Variants in TBX3 observed in about 807,000 individuals in gnomAD.
TBX3 encodes T-box transcription factor 3.
In TBX3, 11 loss-of-function variants were observed where a neutral mutation model predicts 47.8. The ratio of observed to expected loss-of-function variants is 0.23; its 90% CI spans 0.14 to 0.38. The LOEUF (loss-of-function observed/expected upper bound fraction) is 0.38. Among genes scored for constraint, TBX3 ranks in the 10% least tolerant of loss-of-function variants. The pLI is 1.00. For synonymous variants in TBX3, 500 were observed against 449.3 expected (o/e 1.11, Z -1.43); for missense variants, 927 against 1,022.8 (o/e 0.91, Z 1.28).
intron 1 of TBX3, 148 bp downstream of exon 1, chr12:114,682,664 G>T (rs1868988011): frequency 8.1e-7 from 1 of 1,231,806 alleles, no homozygotes; most frequent in Admixed American, 2.1e-5. Flanking sequence ...CACCGGGGCA[G>T]GGCCTGGAAG....
intron 1 of TBX3, among the ~76,000 whole-genome samples, chr12:114,682,246 T>G (rs1439473931): frequency 1.3e-5 from 2 of 152,226 alleles, no homozygotes; most frequent in African/African-American, 4.8e-5. Context: ...GCCCTTGGGT[T>G]ACAGACACGT....
intron 2 of TBX3, chr12:114,679,860 C>A: frequency 6.4e-7 from 1 of 1,557,330 alleles, no homozygotes; most frequent in Non-Finnish European, 8.8e-7. Context: ...TGCCAAAGGG[C>A]CCCCCCCACC....
In TBX3 at chr12:114,671,666, A is replaced by G. The variant is rs552766584; in HGVS notation, c.*175T>C. 2.1e-4 allele frequency: 166 copies of G among 781,624 alleles called. 1 individual carries two copies. The African/African-American group carries it at 2.8e-3, about 13-fold the overall frequency. 48.4% of individuals were successfully genotyped at this position (781,624 alleles called of 1,614,324 possible). ...AGATCCCGGACATATAAACCACGCCAAGAAGACAGGGGCTGTCTCTAGCAC... is the reference window on the plus strand; with the variant it reads ...AGATCCCGGACATATAAACCACGCCGAGAAGACAGGGGCTGTCTCTAGCAC... On this transcript the variant is annotated 3_prime_UTR_variant, in exon 7 of 7. Transcript: ENST00000349155.
chr12:114,681,924 A>G (rs538341850), intron 1 of TBX3, among the ~76,000 whole-genome samples: 1 of 152,360 alleles, frequency 6.6e-6, no homozygotes, highest in East Asian at 1.9e-4. Context: ...GGAGGATTTT[A>G]TGCCAAACTT....
intron 2 of TBX3, 154 bp from the exon 3 acceptor site, chr12:114,679,805 G>A (rs750050912): frequency 1.2e-5 from 19 of 1,530,214 alleles, no homozygotes; most frequent in Middle Eastern, 1.7e-4. Context: ...GGTACGTTTC[G>A]CTCCACAGAT....
In TBX3 at chr12:114,684,058, A is replaced by T. The variant is rs80299182; in HGVS notation, c.-858T>A. On this transcript the variant is annotated 5_prime_UTR_variant, in exon 1 of 7. Transcript: ENST00000349155. ...GAGGGGGAAAAAATGGAACAGAGGGAAAGAGAGGGAGGGGAGAGAGAGAGA... is the reference window on the plus strand; with the variant it reads ...GAGGGGGAAAAAATGGAACAGAGGGTAAGAGAGGGAGGGGAGAGAGAGAGA... The T allele has an allele frequency of 9.4e-4, 194 of 206,916 alleles. No homozygotes were observed. The highest frequency in any genetic ancestry group is 4.9e-3 in the African/African-American group (189 of 38,528). 12.8% of individuals were successfully genotyped at this position (206,916 alleles called of 1,614,324 possible). A position where few individuals can be genotyped will look rare whatever the true frequency, so the allele number is the denominator to read the frequency against.
rs1223634909 is a variant in TBX3 at position 114,676,453 on chromosome 12, T to C, written c.899A>G (p.Gln300Arg). The change falls in exon 5 of 7, where the codon CAG becomes CGG. Residue 300 changes from glutamine (Q) to arginine (R), a missense_variant. Physicochemically the swap from Gln to Arg is conservative, Grantham distance 43. Coordinates refer to ENST00000349155, the MANE Select transcript of TBX3 (RefSeq NM_005996.4). ...TCTTTCATCAAACACCCTCATGGACTGCAGGGTGAGCTGTTTTCTGTGGCA... is the reference window on the plus strand; with the variant it reads ...TCTTTCATCAAACACCCTCATGGACCGCAGGGTGAGCTGTTTTCTGTGGCA... ...RREKRKQLTLQSMRVFDERHK... is the reference protein window; with the variant it reads ...RREKRKQLTLRSMRVFDERHK... 1 of 1,614,248 alleles carries C rather than the reference T, an allele frequency of 6.2e-7. No homozygotes were observed. The highest frequency in any genetic ancestry group is 2.2e-5 in the East Asian group (1 of 44,882).
intron 6 of TBX3, 107 bp downstream of exon 6, chr12:114,674,056 TTA>T: frequency 7.1e-7 from 1 of 1,398,984 alleles, no homozygotes; most frequent in Non-Finnish European, 9.7e-7. Flanking sequence ...TCAGTAAAAA[TTA>T]TTACAGCTAC....
rs1275992297 is a variant in TBX3 at position 114,674,386 on chromosome 12, G to A, written c.1489C>T (p.Pro497Ser). The change falls in exon 6 of 7, where the codon CCG becomes TCG. Residue 497 changes from proline (P) to serine (S), a missense_variant. Transcript: ENST00000349155. ...LAGQQFFNGH[P>S]LFLHPSQFAM... The stretch of plus-strand genomic sequence containing the variant: ...AACTGGCTGGGGTGCAGGAAGAGCG[G>A]GTGCCCGTTGAAGAACTGTTGGCCC... The A allele has an allele frequency of 3.2e-6, 5 of 1,552,502 alleles. No individual in the cohort carries two copies. The African/African-American group carries it at 5.5e-5, about 17-fold the overall frequency.
At chr12:114,675,413 T>C (rs1286213460) in intron 5 of TBX3, among the ~76,000 whole-genome samples, 3 of 152,176 alleles carry the variant, frequency 2.0e-5, no homozygotes, top group Non-Finnish European at 4.4e-5. Context: ...GAACCGTTTG[T>C]ATTTGCCCCA....
chr12:114,679,083 T>C (rs1159858972), intron 3 of TBX3, among the ~76,000 whole-genome samples: 1 of 152,186 alleles, frequency 6.6e-6, no homozygotes, highest in Admixed American at 6.5e-5. Flanking sequence ...AAAGCTGGTC[T>C]CTACTAGGAT....
rs1182726202 is a variant in TBX3 at position 114,671,221 on chromosome 12, G to A, written c.*620C>T. The A allele has an allele frequency of 1.3e-5, 3 of 226,464 alleles. No homozygotes were observed. The highest frequency in any genetic ancestry group is 2.6e-5 in the Non-Finnish European group (3 of 114,086). 14.0% of individuals were successfully genotyped at this position (226,464 alleles called of 1,614,324 possible). A position where few individuals can be genotyped will look rare whatever the true frequency, so the allele number is the denominator to read the frequency against. On this transcript the variant is annotated 3_prime_UTR_variant, in exon 7 of 7. Coordinates refer to ENST00000349155, the MANE Select transcript of TBX3 (RefSeq NM_005996.4). ...ATACATTACTGTGGACATGCAAGAA[G>A]AGACCTACAGCGGCTCTGAAAACAT...
At chr12:114,672,490 G>C (rs1214545187) in intron 6 of TBX3, among the ~76,000 whole-genome samples, 188 bp from the exon 7 acceptor site, 1 of 151,518 alleles carries the variant, frequency 6.6e-6, no homozygotes, top group Non-Finnish European at 1.5e-5. Flanking sequence ...TCAACACTCA[G>C]AAATCTCTAG....
At position 114,683,891 on chromosome 12, in the gene TBX3, T is replaced by G; in HGVS notation, c.-691A>C. 4.3e-6 allele frequency: 1 copy of G among 231,982 alleles called. No homozygotes were observed. Among genetic ancestry groups the G allele is most frequent in the South Asian group, 1.8e-4 (1 of 5,510 alleles). The allele number at this position is 231,982 out of a possible 1,614,324, so 14.4% of individuals were successfully genotyped here. ...GCCGCCCTCCTCCTCCTTCCTCTGC[T>G]CCGAGCCTCCGGAGGGTGTCTCGGT... On this transcript the variant is annotated 5_prime_UTR_variant, in exon 1 of 7. Transcript: ENST00000349155. The surrounding 1 kb of genome is among the most constrained non-coding windows in gnomAD (Gnocchi z 7.7).
At chr12:114,678,076 A>G (rs1198979284) in intron 3 of TBX3, among the ~76,000 whole-genome samples, 1 of 151,732 alleles carries the variant, frequency 6.6e-6, no homozygotes, top group Non-Finnish European at 1.5e-5. Context: ...CATGAATCCA[A>G]TAAATGATTT....
Position 114,671,995 on chromosome 12 carries a change from T to C in TBX3, c.2018A>G (p.Asn673Ser), listed in dbSNP as rs376267079. Residue 673 changes from asparagine (N) to serine (S), a missense_variant, in exon 7 of 7, where the codon AAC becomes AGC. Coordinates refer to ENST00000349155, the MANE Select transcript of TBX3 (RefSeq NM_005996.4). ...SVAVDSGSEL[N>S]SRSSTLSSSS... ...GGAGGAGAGCGTGGAGGAGCGGCTGTTGAGTTCAGAGCCCGAGTCCACTGC... is the reference window on the plus strand; with the variant it reads ...GGAGGAGAGCGTGGAGGAGCGGCTGCTGAGTTCAGAGCCCGAGTCCACTGC... 8.7e-6 allele frequency: 14 copies of C among 1,600,166 alleles called. No homozygotes were observed. The highest frequency in any genetic ancestry group is 1.7e-4 in the Middle Eastern group (1 of 6,040).
chr12:114,677,455 G>GGAAAGT, intron 4 of TBX3, 125 bp downstream of exon 4: 1 of 902,628 alleles, frequency 1.1e-6, no homozygotes, highest in Non-Finnish European at 1.8e-6. Context: ...GTAGCAGTGG[G>GGAAAGT]GAAAGTGAAT....
At position 114,674,153 on chromosome 12, in the gene TBX3, A is replaced by G; in HGVS notation, c.1710+12T>C. Reference sequence around the variant, plus strand: ...TGGAAAGACTGGTGGAGGCAGGAAGAAGGATCCATACCTGAGAGGCCAGGA... The same window carrying G: ...TGGAAAGACTGGTGGAGGCAGGAAGGAGGATCCATACCTGAGAGGCCAGGA... On this transcript the variant is annotated intron_variant, in intron 6 of 6. Coordinates refer to ENST00000349155, the MANE Select transcript of TBX3 (RefSeq NM_005996.4). The G allele has an allele frequency of 1.3e-6, 2 of 1,578,698 alleles. No homozygotes were observed. Among genetic ancestry groups the G allele is most frequent in the Non-Finnish European group, 1.7e-6 (2 of 1,164,044 alleles).
In TBX3 at chr12:114,670,407, T is replaced by C. The variant is rs1487841754; in HGVS notation, c.*1434A>G. On this transcript the variant is annotated 3_prime_UTR_variant, in exon 7 of 7. Transcript: ENST00000349155. The stretch of plus-strand genomic sequence containing the variant: ...ATCTCTCAGCACCTGACTTTTGAAC[T>C]GTGAATATATCTCTATAGGCAGGCA... 1 of 219,866 alleles carries C rather than the reference T, an allele frequency of 4.5e-6. No individual in the cohort carries two copies. The highest frequency in any genetic ancestry group is 2.2e-5 in the African/African-American group (1 of 44,672). 13.6% of individuals were successfully genotyped at this position (219,866 alleles called of 1,614,324 possible).
Sources: allele counts gnomAD v4.1 joint callset (sites outside exome capture counted in the v4.1 genomes callset), GRCh38; gene constraint gnomAD v4.1.1; non-coding constraint Gnocchi (gnomAD v3.1); transcripts MANE v1.5; gene names NCBI Gene and HGNC (gene_info 2026-07-23, HGNC 2026-07-21).